Variants in OTUD7A observed in about 807,000 individuals in gnomAD.
OTUD7A encodes OTU domain-containing protein 7A.
OTUD7A carries 12 observed loss-of-function variants against 65.7 expected under a neutral mutation model. That is an observed-to-expected ratio of 0.18 (90% confidence interval 0.12 to 0.30). OTUD7A has a LOEUF of 0.30. Among genes scored for constraint, OTUD7A ranks in the 10% least tolerant of loss-of-function variants. OTUD7A has a pLI of 1.00. For missense variants in OTUD7A, 1,148 were observed against 1,304.8 expected (o/e 0.88, Z 1.85); for synonymous variants, 641 against 586.3 (o/e 1.09, Z -1.35).
intron 1 of OTUD7A, among the ~76,000 whole-genome samples, chr15:31,728,468 G>T (rs534211245): frequency 1.3e-5 from 2 of 152,306 alleles, no homozygotes; most frequent in African/African-American, 4.8e-5. Context: ...CAGTTACAGA[G>T]AATTACAGAG....
chr15:31,619,577 T>C (rs1466233250), intron 3 of OTUD7A, among the ~76,000 whole-genome samples: 1 of 139,906 alleles, frequency 7.1e-6, no homozygotes, highest in Non-Finnish European at 1.6e-5. Context: ...CTGTCTGTTA[T>C]TGGTGCATAA....
At chr15:31,675,334 A>G (rs1892573561) in intron 1 of OTUD7A, among the ~76,000 whole-genome samples, 1 of 152,150 alleles carries the variant, frequency 6.6e-6, no homozygotes, top group Non-Finnish European at 1.5e-5. Flanking sequence ...ATTCTCGTAC[A>G]TGTGAGAGAA....
intron 1 of OTUD7A, among the ~76,000 whole-genome samples, chr15:31,778,527 G>C (rs1023560719): frequency 2.0e-5 from 3 of 152,196 alleles, no homozygotes; most frequent in Non-Finnish European, 4.4e-5. Context: ...ACAGTGGCAC[G>C]GAGTGGGGCT....
chr15:31,646,979 C>A (rs1229517895), intron 3 of OTUD7A, among the ~76,000 whole-genome samples: 1 of 152,190 alleles, frequency 6.6e-6, no homozygotes, highest in Admixed American at 6.5e-5. Flanking sequence ...AAGAATGTGT[C>A]TTCCTGAATG....
chr15:31,839,321 C>A (rs1032188533), intron 1 of OTUD7A, among the ~76,000 whole-genome samples: 2 of 152,206 alleles, frequency 1.3e-5, no homozygotes, highest in Non-Finnish European at 2.9e-5. Context: ...GGGAACAGGA[C>A]ACATGCTCAC....
chr15:31,553,232 C>A lies in OTUD7A; in HGVS notation c.550+5737G>T, dbSNP rs150460836. Among the ~76,000 whole-genome samples, 108 of 152,258 alleles carry A rather than the reference C, an allele frequency of 7.1e-4. 1 individual carries two copies. The East Asian group carries it at 0.017, about 24-fold the overall frequency. ...GCTGGTTCGCCCTGATTCCCAGGCC[C>A]GCACATTCCCAGTCTCTTCTGCTGG... On this transcript the variant is annotated intron_variant, in intron 5 of 12. Transcript: ENST00000307050.
chr15:31,511,087 AACAT>A lies in OTUD7A; in HGVS notation c.894-7273_894-7270del, dbSNP rs1156755855. On this transcript the variant is annotated intron_variant, in intron 8 of 12. Transcript: ENST00000307050. The stretch of plus-strand genomic sequence containing the variant: ...TACATATATATGTATATCTATATGT[AACAT>A]ACATATGTATATCTATATGTAACAT... Among the ~76,000 whole-genome samples, 3 of 41,610 alleles carry A rather than the reference AACAT, an allele frequency of 7.2e-5. 1 individual carries two copies. Among genetic ancestry groups the A allele is most frequent in the African/African-American group, 3.2e-4 (2 of 6,206 alleles). The allele number at this position is 41,610 out of a possible 152,430, so 27.3% of individuals were successfully genotyped here.
intron 1 of OTUD7A, among the ~76,000 whole-genome samples, chr15:31,690,477 G>A (rs1407094109): frequency 2.0e-5 from 3 of 152,198 alleles, no homozygotes; most frequent in African/African-American, 7.2e-5. Flanking sequence ...AAAGTTGGAA[G>A]TCTCACACAT....
At chr15:31,550,840 G>A (rs974770517) in intron 5 of OTUD7A, among the ~76,000 whole-genome samples, 4 of 152,144 alleles carry the variant, frequency 2.6e-5, no homozygotes, top group East Asian at 1.9e-4. Flanking sequence ...GGCGTATCCT[G>A]GGAGTGTTCA....
intron 1 of OTUD7A, among the ~76,000 whole-genome samples, chr15:31,868,366 G>A (rs569874578): frequency 1.6e-4 from 24 of 152,282 alleles, no homozygotes; most frequent in African/African-American, 5.1e-4. Context: ...ATATTTTCAC[G>A]AGTCTACAGG....
At chr15:31,726,347 G>GCACACACACACA (rs5811658) in intron 1 of OTUD7A, among the ~76,000 whole-genome samples, 1 of 149,814 alleles carries the variant, frequency 6.7e-6, no homozygotes, top group Non-Finnish European at 1.5e-5. Flanking sequence ...ACACACACAC[G>GCACACACACACA]CACACACACA....
rs139899689 is a variant in OTUD7A, at chr15:31,612,275, T to C, written c.152-42078A>G. Among the ~76,000 whole-genome samples the C allele has an allele frequency of 4.0e-3, 610 of 152,272 alleles. 3 individuals carry two copies. Among genetic ancestry groups the C allele is most frequent in the Non-Finnish European group, 6.8e-3 (461 of 68,020 alleles). ...CCACTCTCACTACTCTTCTTCAACA[T>C]AGTACTGGAAGTCCTAGCCAGGGCA... is the stretch of plus-strand genomic sequence containing the variant. On this transcript the variant is annotated intron_variant, in intron 3 of 12. Transcript: ENST00000307050.
At chr15:31,528,175 T>G (rs896549692) in intron 6 of OTUD7A, among the ~76,000 whole-genome samples, 3 of 152,220 alleles carry the variant, frequency 2.0e-5, no homozygotes, top group African/African-American at 7.2e-5. Flanking sequence ...GCCACGAGGC[T>G]GGCACAGAGT....
intron 8 of OTUD7A, among the ~76,000 whole-genome samples, chr15:31,506,724 AT>A (rs995430373): frequency 1.1e-4 from 16 of 152,054 alleles, no homozygotes; most frequent in African/African-American, 3.6e-4. Context: ...GGAATATTAA[AT>A]TTTTTTCTTG....
At chr15:31,628,566 G>C (rs537110205) in intron 3 of OTUD7A, among the ~76,000 whole-genome samples, 1 of 152,290 alleles carries the variant, frequency 6.6e-6, no homozygotes, top group African/African-American at 2.4e-5. Flanking sequence ...GGATTGACTT[G>C]GCAATGCGGG....
intron 1 of OTUD7A, among the ~76,000 whole-genome samples, chr15:31,667,530 G>C (rs933757008): frequency 1.4e-4 from 22 of 152,090 alleles, no homozygotes; most frequent in Non-Finnish European, 2.6e-4. Flanking sequence ...TTATGTGTTA[G>C]GTGAGTCTCC....
In OTUD7A at chr15:31,519,407, C is replaced by A. The variant is rs562855267; in HGVS notation, c.893+6942G>T. 2.6e-5 allele frequency among the ~76,000 whole-genome samples: 4 copies of A among 152,300 alleles called. No homozygotes were observed. In the South Asian group the frequency reaches 6.2e-4, roughly 24 times the overall value. ...TCGATGTCCTGTTAGATTTGATTTG[C>A]TAGTATTTTGTCAAGGATTTCTGCA... On this transcript the variant is annotated intron_variant, in intron 8 of 12. Transcript: ENST00000307050.
chr15:31,686,326 G>A (rs1209640866), intron 1 of OTUD7A, among the ~76,000 whole-genome samples: 6 of 152,352 alleles, frequency 3.9e-5, no homozygotes, highest in East Asian at 3.9e-4. Context: ...GGCCATGAGC[G>A]TGGAGCTCAC....
intron 4 of OTUD7A, among the ~76,000 whole-genome samples, chr15:31,566,108 G>A (rs1888862672): frequency 6.6e-6 from 1 of 151,554 alleles, no homozygotes; most frequent in African/African-American, 2.4e-5. Context: ...GGAGAATGGT[G>A]TGAACCCATG....
Sources: allele counts gnomAD v4.1 joint callset (sites outside exome capture counted in the v4.1 genomes callset), GRCh38; gene constraint gnomAD v4.1.1; transcripts MANE v1.5; gene names NCBI Gene and HGNC (gene_info 2026-07-23, HGNC 2026-07-21).